The following CPNE8 variants were observed in gnomAD, a reference collection of about 807,000 sequenced individuals.
CPNE8 encodes the protein copine 8.
A neutral mutation model predicts 81.5 loss-of-function variants in CPNE8; 45 were observed. The ratio of observed to expected loss-of-function variants is 0.55; its 90% CI spans 0.44 to 0.71. The LOEUF (loss-of-function observed/expected upper bound fraction) is 0.71, where lower values mean the gene tolerates loss of function less well. Among genes scored for constraint, CPNE8 ranks in the 30% least tolerant of loss-of-function variants. CPNE8 has a pLI of 0.00. For missense variants in CPNE8, 594 were observed against 672.1 expected, an observed-to-expected ratio of 0.88 and a Z score of 1.28; for synonymous variants, 252 against 226.3, an observed-to-expected ratio of 1.11 and a Z score of -1.02.
chr12:38,664,729 C>G (rs1939029917), intron 19 of CPNE8, among the ~76,000 whole-genome samples: 1 of 152,092 alleles, frequency 6.6e-6, no homozygotes, highest in African/African-American at 2.4e-5. Context: ...CAGTTCTACT[C>G]TTCTTTAAAA....
chr12:38,757,743 A>C (rs1168599231), intron 10 of CPNE8, among the ~76,000 whole-genome samples: 3 of 152,098 alleles, frequency 2.0e-5, no homozygotes, highest in African/African-American at 7.2e-5. Flanking sequence ...CACTTTACTC[A>C]AACATTAAAA....
chr12:38,695,117 T>C (rs1048303999), intron 14 of CPNE8, among the ~76,000 whole-genome samples: 1 of 152,222 alleles, frequency 6.6e-6, no homozygotes, highest in Non-Finnish European at 1.5e-5. Context: ...AGAAAGTTCC[T>C]TCCTGACTAT....
intron 1 of CPNE8, among the ~76,000 whole-genome samples, chr12:38,903,050 C>T (rs1592167057): frequency 3.3e-5 from 5 of 152,278 alleles, no homozygotes; most frequent in South Asian, 4.1e-4. Flanking sequence ...TAAACCACCT[C>T]CTATGGTTAC....
At chr12:38,690,257 T>C (rs1006640991) in intron 15 of CPNE8, among the ~76,000 whole-genome samples, 1 of 152,206 alleles carries the variant, frequency 6.6e-6, no homozygotes, top group Non-Finnish European at 1.5e-5. Context: ...TTTGTATTTG[T>C]CATTTTCAGT....
At chr12:38,842,235 A>C (rs1943480745) in intron 4 of CPNE8, among the ~76,000 whole-genome samples, 1 of 152,168 alleles carries the variant, frequency 6.6e-6, no homozygotes. Flanking sequence ...TATATAAGAA[A>C]ATTTTTTTAA....
At chr12:38,834,896 G>A (rs1224711779) in intron 5 of CPNE8, among the ~76,000 whole-genome samples, 1 of 115,256 alleles carries the variant, frequency 8.7e-6, no homozygotes, top group Non-Finnish European at 1.8e-5. Flanking sequence ...TTTTTTTTTT[G>A]AGATGGAGTT....
chr12:38,798,842 G>C (rs201143368), intron 6 of CPNE8, among the ~76,000 whole-genome samples: 2 of 152,170 alleles, frequency 1.3e-5, no homozygotes, highest in South Asian at 4.2e-4. Flanking sequence ...CAAAATAAAA[G>C]GATGGAGGAA....
chr12:38,729,710 T>C (rs1342480312), intron 11 of CPNE8, among the ~76,000 whole-genome samples: 1 of 152,036 alleles, frequency 6.6e-6, no homozygotes, highest in Non-Finnish European at 1.5e-5. Flanking sequence ...ACAGATGCCA[T>C]AGCTCAAGGA....
At chr12:38,837,302 A>G (rs1040865266) in intron 5 of CPNE8, among the ~76,000 whole-genome samples, 1 of 152,174 alleles carries the variant, frequency 6.6e-6, no homozygotes, top group Non-Finnish European at 1.5e-5. Flanking sequence ...TTGATGAATT[A>G]TTCTCAAGAT....
rs1432746213 is a variant in CPNE8 at position 38,723,803 on chromosome 12, C to A, written c.883G>T (p.Glu295Ter). 1 of 1,590,486 alleles carries A rather than the reference C, an allele frequency of 6.3e-7. No individual in the cohort carries two copies. The highest frequency in any genetic ancestry group is 1.3e-5 in the African/African-American group (1 of 74,250). Reference protein sequence around the residue: ...VTLLSFLVETEVSFLDYIKGG... With the variant: ...VTLLSFLVET ...TTAATGTAGTCAAGGAATGAAACTTCTGTTTCTACCAAGAAAGAGAGTAAA... is the reference window on the plus strand; with the variant it reads ...TTAATGTAGTCAAGGAATGAAACTTATGTTTCTACCAAGAAAGAGAGTAAA... Residue 295 changes from glutamate (E) to a stop codon, truncating the protein, a stop_gained, in exon 13 of 20, where the codon GAA (glutamate) becomes TAA (stop). Coordinates refer to ENST00000331366, the MANE Select transcript of CPNE8 (RefSeq NM_153634.3). LOFTEE classifies it high-confidence loss of function.
At chr12:38,668,130 A>G (rs140389687) in intron 19 of CPNE8, among the ~76,000 whole-genome samples, 6 of 152,258 alleles carry the variant, frequency 3.9e-5, no homozygotes, top group South Asian at 2.1e-4. Context: ...AAAAACTTAT[A>G]TAATTATACT....
At chr12:38,866,171 T>C (rs1406136437) in intron 3 of CPNE8, among the ~76,000 whole-genome samples, 1 of 152,232 alleles carries the variant, frequency 6.6e-6, no homozygotes, top group Non-Finnish European at 1.5e-5. Context: ...CTAAGTTCTT[T>C]CAACCACATG....
chr12:38,900,684 G>A (rs1042812121), intron 1 of CPNE8, among the ~76,000 whole-genome samples: 4 of 152,130 alleles, frequency 2.6e-5, no homozygotes, highest in Non-Finnish European at 5.9e-5. Context: ...TAGGATGAAC[G>A]CTCACACTTT....
chr12:38,704,834 A>ATGTG (rs370867515), intron 13 of CPNE8, among the ~76,000 whole-genome samples: 32,165 of 80,512 alleles, frequency 0.4, 8,822 homozygotes, highest in Non-Finnish European at 0.54. Flanking sequence ...GTGTATATAT[A>ATGTG]TATATATATA....
At chr12:38,848,460 A>G in intron 4 of CPNE8, 99 bp downstream of exon 4, 3 of 1,415,102 alleles carry the variant, frequency 2.1e-6, no homozygotes, top group Non-Finnish European at 2.8e-6. Context: ...TCCTGCCAAT[A>G]TAATCTAGAA....
chr12:38,844,922 T>C (rs145437321), intron 4 of CPNE8, among the ~76,000 whole-genome samples: 1 of 152,170 alleles, frequency 6.6e-6, no homozygotes, highest in East Asian at 1.9e-4. Flanking sequence ...TTTACACTAG[T>C]GCATCTTTCA....
intron 13 of CPNE8, 70 bp downstream of exon 13, chr12:38,723,702 C>T (rs1940624118): frequency 1.2e-5 from 11 of 891,862 alleles, no homozygotes; most frequent in Middle Eastern, 4.3e-4. Flanking sequence ...CCAGGTACCT[C>T]GTGGTAGCGC....
intron 1 of CPNE8, among the ~76,000 whole-genome samples, chr12:38,877,869 T>C (rs1389458810): frequency 6.6e-6 from 1 of 152,146 alleles, no homozygotes; most frequent in African/African-American, 2.4e-5. Flanking sequence ...CTAGGCTGCA[T>C]TCCCAGGAGG....
chr12:38,699,741 G>A (rs930426440), intron 14 of CPNE8, among the ~76,000 whole-genome samples: 38 of 151,912 alleles, frequency 2.5e-4, no homozygotes, highest in African/African-American at 7.3e-4. Context: ...CATTTTCTGC[G>A]AGTGCAGGTA....
Sources: allele counts gnomAD v4.1 joint callset (sites outside exome capture counted in the v4.1 genomes callset), GRCh38; gene constraint gnomAD v4.1.1; transcripts MANE v1.5; gene names NCBI Gene and HGNC (gene_info 2026-07-23, HGNC 2026-07-21).